Variants in ST3GAL3 observed in about 807,000 individuals in gnomAD.
ST3GAL3 encodes CMP-N-acetylneuraminate-beta-1,4-galactoside alpha-2,3-sialyltransferase.
A neutral mutation model predicts 50.1 loss-of-function variants in ST3GAL3; 21 were observed. The ratio of observed to expected loss-of-function variants is 0.42; its 90% confidence interval spans 0.30 to 0.60. ST3GAL3 has a LOEUF of 0.60. ST3GAL3 is among the 20% of genes least tolerant of loss of function. The pLI is 0.19. For synonymous variants in ST3GAL3, 183 were observed against 190.0 expected (o/e 0.96, Z 0.30); for missense variants, 353 against 489.4 (o/e 0.72, Z 2.63).
chr1:43,892,099 C>T (rs958689525), intron 5 of ST3GAL3, among the ~76,000 whole-genome samples: 24 of 152,182 alleles, frequency 1.6e-4, no homozygotes, highest in African/African-American at 5.8e-4. Flanking sequence ...GTGCCCACCA[C>T]GCCTGGCTAA....
chr1:43,877,832 GTCTCATCT>G (rs1322207067), intron 5 of ST3GAL3, among the ~76,000 whole-genome samples: 1 of 152,196 alleles, frequency 6.6e-6, no homozygotes, highest in East Asian at 1.9e-4. Context: ...AAGGTAGAGG[GTCTCATCT>G]CACAGAACAG....
intron 4 of ST3GAL3, among the ~76,000 whole-genome samples, chr1:43,832,811 A>C (rs2063722144): frequency 6.6e-6 from 1 of 152,086 alleles, no homozygotes; most frequent in Non-Finnish European, 1.5e-5. Flanking sequence ...CCCAGAAACA[A>C]CTCTCTAGTA....
chr1:43,755,355 C>T (rs750175417), intron 2 of ST3GAL3, among the ~76,000 whole-genome samples: 14 of 152,188 alleles, frequency 9.2e-5, no homozygotes, highest in Non-Finnish European at 1.9e-4. Context: ...GATAATGTCA[C>T]GTGTTGGCTG....
intron 11 of ST3GAL3, among the ~76,000 whole-genome samples, chr1:43,924,001 T>G (rs892003513): frequency 2.6e-5 from 4 of 151,918 alleles, no homozygotes; most frequent in Non-Finnish European, 4.4e-5. Context: ...ACCTCCAAAT[T>G]CCATTACATT....
At chr1:43,783,044 A>G (rs1699867639) in intron 2 of ST3GAL3, among the ~76,000 whole-genome samples, 1 of 137,434 alleles carries the variant, frequency 7.3e-6, no homozygotes, top group Admixed American at 7.2e-5. Flanking sequence ...TTCTAATACT[A>G]TCTAGTTTGA....
intron 2 of ST3GAL3, among the ~76,000 whole-genome samples, chr1:43,749,977 A>G (rs60175028): frequency 6.6e-6 from 1 of 152,134 alleles, no homozygotes; most frequent in Admixed American, 6.6e-5. Flanking sequence ...TAATGTTTTG[A>G]TCTTTGACTT....
chr1:43,770,226 GGAGGGGAGGAGAGGA>G (rs1436865020), intron 2 of ST3GAL3, among the ~76,000 whole-genome samples: 2 of 73,542 alleles, frequency 2.7e-5, no homozygotes, highest in Non-Finnish European at 6.3e-5. Context: ...AGAGGAGAGG[GGAGGGGAGGAGAGGA>G]GAGGGGAGGG....
At chr1:43,814,855 T>G in intron 3 of ST3GAL3, 36 bp from the exon 4 acceptor site, 3 of 1,611,278 alleles carry the variant, frequency 1.9e-6, no homozygotes, top group Non-Finnish European at 2.5e-6. Flanking sequence ...CATCAGTGAC[T>G]TGACTTCAGT....
At chr1:43,799,696 ATTCAGACCATTT>A (rs1210303817) in intron 3 of ST3GAL3, 1 of 152,170 alleles carries the variant, frequency 6.6e-6, no homozygotes, top group African/African-American at 2.4e-5. Context: ...GACACCCAAC[ATTCAGACCATTT>A]CAGTGAGTAT....
chr1:43,855,362 C>T (rs1269509320), intron 5 of ST3GAL3, among the ~76,000 whole-genome samples: 3 of 152,198 alleles, frequency 2.0e-5, no homozygotes, highest in Non-Finnish European at 4.4e-5. Flanking sequence ...GTGATCCCAT[C>T]ACTTTGGCCG....
At chr1:43,857,591 CCTT>C (rs2068804056) in intron 5 of ST3GAL3, among the ~76,000 whole-genome samples, 1 of 114,946 alleles carries the variant, frequency 8.7e-6, no homozygotes, top group Admixed American at 8.8e-5. Context: ...TCCCTCCCTT[CCTT>C]CCTTCCTTCC....
chr1:43,769,351 A>G (rs1342060076), intron 2 of ST3GAL3, among the ~76,000 whole-genome samples: 7 of 152,220 alleles, frequency 4.6e-5, no homozygotes, highest in Non-Finnish European at 7.3e-5. Context: ...ACAAGACAAG[A>G]ACATTCCCAA....
chr1:43,854,497 ATCT>A (rs1235933272), intron 5 of ST3GAL3, among the ~76,000 whole-genome samples: 1 of 152,044 alleles, frequency 6.6e-6, no homozygotes, highest in East Asian at 1.9e-4. Context: ...ATTGCAAGAG[ATCT>A]TCTTTTCCTG....
At chr1:43,862,852 G>A (rs1424156027) in intron 5 of ST3GAL3, among the ~76,000 whole-genome samples, 1 of 152,124 alleles carries the variant, frequency 6.6e-6, no homozygotes, top group African/African-American at 2.4e-5. Context: ...GGAGGTTGAG[G>A]CTACAATGAG....
intron 2 of ST3GAL3, among the ~76,000 whole-genome samples, chr1:43,747,225 T>C (rs994909124): frequency 3.9e-5 from 6 of 152,032 alleles, no homozygotes. Flanking sequence ...CTGGCCAGCA[T>C]GGTGAAACCC....
chr1:43,888,356 C>A (rs960998600), intron 5 of ST3GAL3, among the ~76,000 whole-genome samples: 8 of 152,206 alleles, frequency 5.3e-5, no homozygotes, highest in Middle Eastern at 3.4e-3. Flanking sequence ...ACAACAACAA[C>A]AAAAACCTAC....
At chr1:43,918,136 A>G (rs866020348) in intron 9 of ST3GAL3, among the ~76,000 whole-genome samples, 2 of 11,584 alleles carry the variant, frequency 1.7e-4, no homozygotes, top group Non-Finnish European at 8.4e-4. Flanking sequence ...TTTTTTTTTA[A>G]GAGAGGGTCT....
chr1:43,749,960 A>G (rs1208883604), intron 2 of ST3GAL3, among the ~76,000 whole-genome samples: 1 of 152,174 alleles, frequency 6.6e-6, no homozygotes, highest in Non-Finnish European at 1.5e-5. Context: ...CCAGACACCA[A>G]ACCTGCTAAT....
intron 1 of ST3GAL3, among the ~76,000 whole-genome samples, chr1:43,721,550 C>G (rs369159603): frequency 6.7e-6 from 1 of 150,228 alleles, no homozygotes; most frequent in Non-Finnish European, 1.5e-5. Flanking sequence ...GTGATCCGCC[C>G]GCCTCAGCCT....
Sources: gnomAD v4.1 joint callset for allele counts (sites outside exome capture counted in the v4.1 genomes callset) on GRCh38, gnomAD v4.1.1 for gene constraint, MANE v1.5 for transcripts, NCBI Gene and HGNC (gene_info 2026-07-23, HGNC 2026-07-21) for gene names.